The following EVL variants were observed in gnomAD, a reference collection of about 807,000 sequenced individuals.
EVL encodes the protein Enah/Vasp-like.
In EVL, 21 loss-of-function variants were observed where a neutral mutation model predicts 59.6. That is an observed-to-expected ratio of 0.35 (90% confidence interval 0.25 to 0.51). The LOEUF (loss-of-function observed/expected upper bound fraction) is 0.51, where lower values mean the gene tolerates loss of function less well. Among genes scored for constraint, EVL ranks in the 20% least tolerant of loss-of-function variants. The pLI, the probability that EVL is intolerant of heterozygous loss-of-function variation, is 0.97. For missense variants in EVL, 462 were observed against 546.6 expected, an observed-to-expected ratio of 0.85 and a Z score of 1.54; for synonymous variants, 198 against 203.5, an observed-to-expected ratio of 0.97 and a Z score of 0.23.
chr14:99,987,746 C>A (rs1409561109), intron 1 of EVL, among the ~76,000 whole-genome samples: 1 of 152,034 alleles, frequency 6.6e-6, no homozygotes, highest in African/African-American at 2.4e-5. Flanking sequence ...GAGGAAAAGG[C>A]CTTCATCAGA....
chr14:100,077,653 G>T (rs530295577), intron 1 of EVL, among the ~76,000 whole-genome samples: 1 of 152,296 alleles, frequency 6.6e-6, no homozygotes, highest in Non-Finnish European at 1.5e-5. Context: ...GCAAACGTGT[G>T]TTACAGTAGA....
chr14:100,136,890 T>C (rs1888828414), intron 9 of EVL, among the ~76,000 whole-genome samples: 1 of 152,152 alleles, frequency 6.6e-6, no homozygotes, highest in Non-Finnish European at 1.5e-5. Context: ...GGGACATGTC[T>C]GTAGCCCCAG....
chr14:100,044,906 G>A (rs2061524986), intron 1 of EVL, among the ~76,000 whole-genome samples: 1 of 152,198 alleles, frequency 6.6e-6, no homozygotes, highest in Non-Finnish European at 1.5e-5. Flanking sequence ...ACAGTGCAGT[G>A]AGCCGTGATT....
chr14:100,041,673 C>A (rs913537211), intron 1 of EVL, among the ~76,000 whole-genome samples: 1 of 152,150 alleles, frequency 6.6e-6, no homozygotes, highest in East Asian at 1.9e-4. Context: ...GATATCAGTG[C>A]AAAATACATC....
At chr14:99,990,425 T>C (rs1395890821) in intron 1 of EVL, among the ~76,000 whole-genome samples, 1 of 152,188 alleles carries the variant, frequency 6.6e-6, no homozygotes, top group South Asian at 2.1e-4. Context: ...TGCACATTGT[T>C]GTCCAGTAGA....
At chr14:100,073,096 A>T (rs943377) in intron 1 of EVL, among the ~76,000 whole-genome samples, 1 of 151,992 alleles carries the variant, frequency 6.6e-6, no homozygotes, top group African/African-American at 2.4e-5. Flanking sequence ...TTCCTCATTC[A>T]CCTGGGTAGG....
chr14:100,132,517 C>G (rs1447934135), intron 7 of EVL, among the ~76,000 whole-genome samples: 1 of 152,162 alleles, frequency 6.6e-6, no homozygotes, highest in East Asian at 1.9e-4. Flanking sequence ...CAGGCCATGA[C>G]CACACGGAGG....
At chr14:100,016,257 G>A (rs992139915) in intron 1 of EVL, among the ~76,000 whole-genome samples, 7 of 150,684 alleles carry the variant, frequency 4.6e-5, no homozygotes, top group East Asian at 2.0e-4. Flanking sequence ...AACACTGGGC[G>A]TTGTGGCTCA....
intron 1 of EVL, among the ~76,000 whole-genome samples, chr14:99,982,144 A>G (rs1313724111): frequency 6.6e-6 from 1 of 152,226 alleles, no homozygotes; most frequent in Non-Finnish European, 1.5e-5. Flanking sequence ...TAACCACATC[A>G]AACCTGTGGT....
chr14:100,072,121 T>A (rs1037591488), intron 1 of EVL, among the ~76,000 whole-genome samples: 1 of 152,188 alleles, frequency 6.6e-6, no homozygotes, highest in Non-Finnish European at 1.5e-5. Context: ...TAGTTTCACA[T>A]CCTAGCTTAG....
At chr14:100,101,480 C>CA (rs928619414) in intron 3 of EVL, among the ~76,000 whole-genome samples, 7 of 151,394 alleles carry the variant, frequency 4.6e-5, no homozygotes, top group East Asian at 1.9e-4. Flanking sequence ...AACTCTGTCT[C>CA]AAAAAAAAGA....
intron 3 of EVL, among the ~76,000 whole-genome samples, chr14:100,103,239 A>G (rs916523227): frequency 1.3e-5 from 2 of 150,806 alleles, no homozygotes; most frequent in African/African-American, 2.4e-5. Context: ...AAGAGCACAC[A>G]GGGAGCTTTC....
At chr14:100,078,628 G>T (rs1289699482) in intron 1 of EVL, among the ~76,000 whole-genome samples, 2 of 152,166 alleles carry the variant, frequency 1.3e-5, no homozygotes, top group Non-Finnish European at 2.9e-5. Context: ...AGACGAGCTG[G>T]GTGGGGAACA....
At chr14:100,057,228 T>C (rs1199814687) in intron 1 of EVL, among the ~76,000 whole-genome samples, 1 of 152,186 alleles carries the variant, frequency 6.6e-6, no homozygotes, top group Non-Finnish European at 1.5e-5. Context: ...ATTTTTACCT[T>C]TCCCCTTTAC....
At chr14:99,994,617 T>G (rs921637161) in intron 1 of EVL, among the ~76,000 whole-genome samples, 2 of 152,218 alleles carry the variant, frequency 1.3e-5, no homozygotes, top group African/African-American at 4.8e-5. Flanking sequence ...TCATATCCAT[T>G]AACAGACTTA....
rs934676220 is a variant in EVL at position 100,127,346 on chromosome 14, C to T, written c.487+575C>T. Among the ~76,000 whole-genome samples, 1 of 152,212 alleles carries T rather than the reference C, an allele frequency of 6.6e-6. No homozygotes were observed. The highest frequency in any genetic ancestry group is 2.4e-5 in the African/African-American group (1 of 41,450). ...GATAATTTACCAAGTGCTTTCATGT[C>T]CTTTGTCTTGTTTAATTTTCTCAAA... On this transcript the variant is annotated intron_variant, in intron 5 of 13. Coordinates refer to ENST00000392920, the MANE Select transcript of EVL (RefSeq NM_016337.3). This position sits in a 1 kb window ranked among gnomAD's most constrained non-coding sequence, Gnocchi z 4.2.
intron 1 of EVL, among the ~76,000 whole-genome samples, chr14:100,047,118 CTTTTTTTT>C (rs869205625): frequency 8.4e-5 from 2 of 23,912 alleles, no homozygotes; most frequent in East Asian, 6.3e-4. Flanking sequence ...ATCTCTCTCT[CTTTTTTTT>C]TTTTTTTTTT....
At chr14:100,019,042 G>A (rs899485587) in intron 1 of EVL, among the ~76,000 whole-genome samples, 3 of 152,240 alleles carry the variant, frequency 2.0e-5, no homozygotes, top group Non-Finnish European at 2.9e-5. Context: ...TCATGGTAAA[G>A]TGGTGGACAT....
intron 1 of EVL, among the ~76,000 whole-genome samples, chr14:100,007,788 A>G (rs2060992620): frequency 1.3e-5 from 2 of 152,164 alleles, no homozygotes; most frequent in Admixed American, 6.5e-5. Context: ...AGAGAGAGAG[A>G]GAGAGGGAGA....
Sources: gnomAD v4.1 joint callset for allele counts (sites outside exome capture counted in the v4.1 genomes callset) on GRCh38, gnomAD v4.1.1 for gene constraint, Gnocchi (gnomAD v3.1) non-coding constraint, MANE v1.5 for transcripts, NCBI Gene and HGNC (gene_info 2026-07-23, HGNC 2026-07-21) for gene names.